The following SULF2 variants were observed in gnomAD, a reference collection of about 807,000 sequenced individuals.
SULF2 encodes the protein extracellular sulfatase Sulf-2.
SULF2 carries 52 observed loss-of-function variants against 107.7 expected under a neutral mutation model. The ratio of observed to expected loss-of-function variants is 0.48; its 90% confidence interval spans 0.39 to 0.61. The LOEUF (loss-of-function observed/expected upper bound fraction) is 0.61, where lower values mean the gene tolerates loss of function less well. Among genes scored for constraint, SULF2 ranks in the 20% least tolerant of loss-of-function variants. The pLI is 0.00. For synonymous variants in SULF2, 460 were observed against 464.3 expected (o/e 0.99, Z 0.12); for missense variants, 993 against 1,177.3 (o/e 0.84, Z 2.29).
chr20:47,693,331 G>A (rs886167632), intron 4 of SULF2, among the ~76,000 whole-genome samples: 1 of 152,160 alleles, frequency 6.6e-6, no homozygotes, highest in Non-Finnish European at 1.5e-5. Flanking sequence ...AGATGGAACC[G>A]CCAGTGGTGG....
At chr20:47,751,324 C>A (rs1473858331) in intron 2 of SULF2, among the ~76,000 whole-genome samples, 1 of 152,190 alleles carries the variant, frequency 6.6e-6, no homozygotes, top group Non-Finnish European at 1.5e-5. Context: ...CAATCCCAGT[C>A]CTCATGGTTC....
At chr20:47,762,053 A>G (rs1315247874) in intron 1 of SULF2, among the ~76,000 whole-genome samples, 1 of 152,236 alleles carries the variant, frequency 6.6e-6, no homozygotes, top group Non-Finnish European at 1.5e-5. Context: ...CCATGATTGT[A>G]AGGCCTCCCC....
In SULF2 at chr20:47,736,907, T is replaced by A; in HGVS notation, c.211A>T (p.Met71Leu). 1 of 1,614,224 alleles carries A rather than the reference T, an allele frequency of 6.2e-7. No homozygotes were observed. Among genetic ancestry groups the A allele is most frequent in the African/African-American group, 1.3e-5 (1 of 75,068 alleles). Residue 71 changes from methionine to leucine, a missense_variant, in exon 3 of 21, where the codon ATG becomes TTG. By Grantham distance (15) the Met-to-Leu change is conservative. Coordinates refer to ENST00000688720, the MANE Select transcript of SULF2 (RefSeq NM_001387048.1). ...ATGAAGTGCGCCCCGCCCTGCTCCA[T>A]GATGCGCCGGGTCTTGTTCATCACC... The part of the protein sequence containing the change: ...MQVMNKTRRI[M>L]EQGGAHFINA...
At chr20:47,677,589 G>A (rs1206645994) in intron 8 of SULF2, among the ~76,000 whole-genome samples, 1 of 152,204 alleles carries the variant, frequency 6.6e-6, no homozygotes, top group African/African-American at 2.4e-5. Flanking sequence ...AGGCGCAGTG[G>A]TTGCCTTGAT....
At chr20:47,692,759 C>T (rs367701597) in intron 4 of SULF2, among the ~76,000 whole-genome samples, 1 of 152,180 alleles carries the variant, frequency 6.6e-6, no homozygotes, top group Non-Finnish European at 1.5e-5. Context: ...AAGGCATGAG[C>T]CAACACACCT....
chr20:47,671,008 T>G (rs530259666), intron 11 of SULF2, among the ~76,000 whole-genome samples: 17 of 152,236 alleles, frequency 1.1e-4, no homozygotes, highest in African/African-American at 3.6e-4. Context: ...CCCCGACGCC[T>G]CCACACATTT....
chr20:47,747,884 C>T (rs2090079441), intron 2 of SULF2, among the ~76,000 whole-genome samples: 1 of 152,144 alleles, frequency 6.6e-6, no homozygotes, highest in South Asian at 2.1e-4. Flanking sequence ...ACCCTGCCGA[C>T]CTTCCAAGCA....
At chr20:47,726,164 T>C (rs1215635437) in intron 3 of SULF2, among the ~76,000 whole-genome samples, 1 of 152,162 alleles carries the variant, frequency 6.6e-6, no homozygotes, top group Admixed American at 6.5e-5. Context: ...CAGTGCTGTG[T>C]GTCACTCCCC....
chr20:47,755,582 T>C (rs1278897611), intron 2 of SULF2, among the ~76,000 whole-genome samples: 2 of 152,140 alleles, frequency 1.3e-5, no homozygotes, highest in African/African-American at 4.8e-5. Context: ...ATTTCCCAAA[T>C]ATACATCAGG....
chr20:47,677,048 G>A (rs6018634), intron 9 of SULF2, 30 bp downstream of exon 9: 1 of 1,611,088 alleles, frequency 6.2e-7, no homozygotes, highest in Non-Finnish European at 8.5e-7. Context: ...GAGGTGGGCA[G>A]GGGTGTCCCT....
At chr20:47,730,356 T>C (rs1461124333) in intron 3 of SULF2, among the ~76,000 whole-genome samples, 2 of 152,206 alleles carry the variant, frequency 1.3e-5, no homozygotes, top group Non-Finnish European at 2.9e-5. Flanking sequence ...AACTGCCAGA[T>C]TCAGGTGTGG....
At chr20:47,769,959 TGAGG>T (rs1180282732) in intron 1 of SULF2, among the ~76,000 whole-genome samples, 3 of 147,188 alleles carry the variant, frequency 2.0e-5, no homozygotes, top group African/African-American at 7.6e-5. Context: ...GGAAGATGCC[TGAGG>T]GAGGGCCGGA....
At chr20:47,720,794 T>C (rs2089273620) in intron 3 of SULF2, among the ~76,000 whole-genome samples, 2 of 152,144 alleles carry the variant, frequency 1.3e-5, no homozygotes, top group Non-Finnish European at 2.9e-5. Context: ...TGGGCCACTT[T>C]CATGATCTGT....
chr20:47,775,899 G>C (rs2090716242), intron 1 of SULF2, among the ~76,000 whole-genome samples: 1 of 152,148 alleles, frequency 6.6e-6, no homozygotes, highest in South Asian at 2.1e-4. Context: ...TAAGTGTCCA[G>C]GGACACTTGC....
chr20:47,690,547 A>G (rs1338240485), intron 4 of SULF2, among the ~76,000 whole-genome samples: 1 of 152,226 alleles, frequency 6.6e-6, no homozygotes, highest in East Asian at 1.9e-4. Context: ...TAGGGAGAAC[A>G]GGGCAGGAAT....
At position 47,666,975 on chromosome 20, in the gene SULF2, T is replaced by C. The variant is rs2146416025; in HGVS notation, c.1577-487A>G. ...AAGAAGATTGGTGATTGCCAGGGGC[T>C]GGGGGAGAGGGTAGTGAGGAGTGAC... On this transcript the variant is annotated intron_variant, in intron 11 of 20. Coordinates refer to ENST00000688720, the MANE Select transcript of SULF2 (RefSeq NM_001387048.1). The surrounding 1 kb of genome is among the most constrained non-coding windows in gnomAD (Gnocchi z 5.4). 6.6e-6 allele frequency among the ~76,000 whole-genome samples: 1 copy of C among 152,220 alleles called. No individual in the cohort carries two copies. Among genetic ancestry groups the C allele is most frequent in the African/African-American group, 2.4e-5 (1 of 41,530 alleles).
At chr20:47,661,751 C>CCA in intron 18 of SULF2, 22 bp downstream of exon 18, 2 of 1,512,356 alleles carry the variant, frequency 1.3e-6, no homozygotes, top group Non-Finnish European at 1.8e-6. Flanking sequence ...TCCAAGGGCC[C>CCA]CACGTTGGGG....
At chr20:47,774,577 C>T (rs1197961534) in intron 1 of SULF2, among the ~76,000 whole-genome samples, 4 of 152,220 alleles carry the variant, frequency 2.6e-5, no homozygotes, top group Admixed American at 6.5e-5. Context: ...GGCCCTGGAG[C>T]TGGAGAAGCT....
chr20:47,706,159 C>T (rs1602693571), intron 3 of SULF2, among the ~76,000 whole-genome samples: 1 of 152,090 alleles, frequency 6.6e-6, no homozygotes, highest in African/African-American at 2.4e-5. Flanking sequence ...CATCTCACCC[C>T]TCAGGTCTTT....
Sources: allele counts gnomAD v4.1 joint callset (sites outside exome capture counted in the v4.1 genomes callset), GRCh38; gene constraint gnomAD v4.1.1; non-coding constraint Gnocchi (gnomAD v3.1); transcripts MANE v1.5; gene names NCBI Gene and HGNC (gene_info 2026-07-23, HGNC 2026-07-21).